The following GLG1 variants were observed in gnomAD, a reference collection of about 807,000 sequenced individuals.
GLG1 encodes the protein golgi glycoprotein 1.
A neutral mutation model predicts 160.5 loss-of-function variants in GLG1; 38 were observed. The observed-to-expected ratio is 0.24, with a 90% CI of 0.18 to 0.31. GLG1 has a LOEUF of 0.31. GLG1 is among the 10% of genes least tolerant of loss of function. The probability of loss-of-function intolerance (pLI) is 1.00; values close to 1 mark genes in which losing one functional copy is unlikely to be tolerated. For missense variants in GLG1, 1,373 were observed against 1,505.2 expected (o/e 0.91, Z 1.45); for synonymous variants, 644 against 543.4 (o/e 1.19, Z -2.57).
intron 2 of GLG1, among the ~76,000 whole-genome samples, chr16:74,512,533 G>T (rs1202371373): frequency 6.6e-6 from 1 of 152,084 alleles, no homozygotes; most frequent in African/African-American, 2.4e-5. Context: ...CAAAGTGCTG[G>T]AATTACAGAC....
chr16:74,543,714 C>G (rs1252570233), intron 1 of GLG1, among the ~76,000 whole-genome samples: 1 of 152,058 alleles, frequency 6.6e-6, no homozygotes, highest in African/African-American at 2.4e-5. Flanking sequence ...CTAAAAATTA[C>G]CCATAATCTC....
chr16:74,534,669 T>G (rs2017638014), intron 1 of GLG1, among the ~76,000 whole-genome samples: 1 of 152,026 alleles, frequency 6.6e-6, no homozygotes, highest in South Asian at 2.1e-4. Flanking sequence ...TCTCCCAATT[T>G]TTCACTTGCA....
At chr16:74,507,437 T>A (rs554836293) in intron 3 of GLG1, among the ~76,000 whole-genome samples, 7 of 151,790 alleles carry the variant, frequency 4.6e-5, no homozygotes, top group East Asian at 3.9e-4. Flanking sequence ...ATGTGTTTTT[T>A]AAAAAAAAAC....
In GLG1 at chr16:74,449,601, T is replaced by C. The variant is rs4888238; in HGVS notation, c.*3566A>G. ...TCTTCACCAGGATGCATCCCCACCC[T>C]GGCCAGCTGAGTGACTCACTGTTCC... On this transcript the variant is annotated 3_prime_UTR_variant, in exon 26 of 26. Transcript: ENST00000422840. The C allele has an allele frequency of 0.7, 106,497 of 152,090 alleles. 37,491 individuals are homozygous for C. Among genetic ancestry groups the C allele is most frequent in the East Asian group, 0.81 (4,180 of 5,164 alleles). The allele number at this position is 152,090 out of a possible 1,614,324, so 9.4% of individuals were successfully genotyped here.
chr16:74,557,483 G>T (rs1381237887), intron 1 of GLG1, among the ~76,000 whole-genome samples: 2 of 152,178 alleles, frequency 1.3e-5, no homozygotes, highest in African/African-American at 4.8e-5. Flanking sequence ...GCCCAAGAGT[G>T]TGAGCAGGTG....
intron 1 of GLG1, among the ~76,000 whole-genome samples, chr16:74,570,972 C>T (rs1347918223): frequency 6.6e-6 from 1 of 151,172 alleles, no homozygotes; most frequent in East Asian, 1.9e-4. Context: ...TTTTTTTTAA[C>T]CACACCTCAC....
At chr16:74,495,396 G>A (rs948520810) in intron 5 of GLG1, among the ~76,000 whole-genome samples, 1 of 152,218 alleles carries the variant, frequency 6.6e-6, no homozygotes, top group Non-Finnish European at 1.5e-5. Flanking sequence ...TTACAGGCGT[G>A]AGCCGCCGCA....
At chr16:74,490,470 A>G (rs1386246328) in intron 8 of GLG1, among the ~76,000 whole-genome samples, 1 of 152,258 alleles carries the variant, frequency 6.6e-6, no homozygotes, top group Non-Finnish European at 1.5e-5. Flanking sequence ...GTATATGAAG[A>G]AAAGATAGTG....
At chr16:74,471,974 G>C (rs748049103) in intron 14 of GLG1, among the ~76,000 whole-genome samples, 2 of 151,914 alleles carry the variant, frequency 1.3e-5, no homozygotes, top group Non-Finnish European at 2.9e-5. Flanking sequence ...GCACAATCAC[G>C]GCTCACTGCA....
At chr16:74,588,415 A>T (rs1958098754) in intron 1 of GLG1, among the ~76,000 whole-genome samples, 1 of 152,116 alleles carries the variant, frequency 6.6e-6, no homozygotes, top group Non-Finnish European at 1.5e-5. Context: ...TTTGGATTTG[A>T]ATTTAAGCTC....
chr16:74,584,458 AAT>A (rs141668796), intron 1 of GLG1, among the ~76,000 whole-genome samples: 13,971 of 152,234 alleles, frequency 0.092, 672 homozygotes, highest in African/African-American at 0.11. Context: ...AAGCATGATT[AAT>A]ATTATTTATA....
intron 1 of GLG1, among the ~76,000 whole-genome samples, chr16:74,536,904 A>G (rs2017702187): frequency 6.6e-6 from 1 of 152,212 alleles, no homozygotes; most frequent in South Asian, 2.1e-4. Flanking sequence ...TAGCCTGTGG[A>G]GGCATCAAAT....
intron 24 of GLG1, 83 bp from the exon 25 acceptor site, chr16:74,456,838 C>A (rs1426916729): frequency 2.4e-6 from 2 of 840,802 alleles, no homozygotes; most frequent in Non-Finnish European, 4.1e-6. Flanking sequence ...AGAGGGTGCA[C>A]AACCACCAGA....
At chr16:74,508,226 G>C (rs1325394376) in intron 3 of GLG1, among the ~76,000 whole-genome samples, 1 of 151,210 alleles carries the variant, frequency 6.6e-6, no homozygotes, top group Non-Finnish European at 1.5e-5. Flanking sequence ...GTTAATTCTG[G>C]GGTGGAAAAA....
intron 1 of GLG1, among the ~76,000 whole-genome samples, chr16:74,565,362 T>G (rs768334670): frequency 6.6e-6 from 1 of 152,116 alleles, no homozygotes; most frequent in Non-Finnish European, 1.5e-5. Flanking sequence ...AACTGAGAGG[T>G]TGACCAAAGA....
intron 1 of GLG1, among the ~76,000 whole-genome samples, chr16:74,547,615 T>C (rs1044511889): frequency 3.9e-5 from 6 of 152,278 alleles, no homozygotes; most frequent in African/African-American, 1.2e-4. Context: ...CAATCATTAA[T>C]TGCATGAAAA....
intron 14 of GLG1, among the ~76,000 whole-genome samples, chr16:74,471,895 C>G (rs2015220429): frequency 1.7e-5 from 2 of 118,448 alleles, no homozygotes; most frequent in South Asian, 6.7e-4. Flanking sequence ...TAGCATCTCT[C>G]TCTCGATCTT....
At chr16:74,497,730 C>A (rs1406430898) in intron 4 of GLG1, among the ~76,000 whole-genome samples, 1 of 152,218 alleles carries the variant, frequency 6.6e-6, no homozygotes, top group African/African-American at 2.4e-5. Context: ...AGCCACTGCG[C>A]CCGGCCAACA....
At chr16:74,470,667 C>T (rs1451218400) in intron 15 of GLG1, among the ~76,000 whole-genome samples, 2 of 151,914 alleles carry the variant, frequency 1.3e-5, no homozygotes, top group African/African-American at 4.8e-5. Flanking sequence ...AGGTTGGTCT[C>T]GAGTTCCTGA....
Sources: allele counts gnomAD v4.1 joint callset (sites outside exome capture counted in the v4.1 genomes callset), GRCh38; gene constraint gnomAD v4.1.1; transcripts MANE v1.5; gene names NCBI Gene and HGNC (gene_info 2026-07-23, HGNC 2026-07-21).